The following PCDHA11 variants were observed in gnomAD, a reference collection of about 807,000 sequenced individuals.
PCDHA11 encodes protocadherin alpha 11.
PCDHA11 carries 61 observed loss-of-function variants against 70.3 expected under a neutral mutation model. The ratio of observed to expected loss-of-function variants is 0.87; its 90% CI spans 0.71 to 1.07. The LOEUF (loss-of-function observed/expected upper bound fraction) is 1.07. Ranked by LOEUF, PCDHA11 falls within the 50% of genes least tolerant of loss-of-function variation. The probability of loss-of-function intolerance (pLI) is 0.00; values close to 1 mark genes in which losing one functional copy is unlikely to be tolerated. For synonymous variants in PCDHA11, 633 were observed against 555.1 expected (o/e 1.14, Z -1.97); for missense variants, 1,324 against 1,237.5 (o/e 1.07, Z -1.05).
intron 1 of PCDHA11, among the ~76,000 whole-genome samples, chr5:140,976,550 C>CATAA (rs782672542): frequency 1.5e-4 from 23 of 152,064 alleles, no homozygotes; most frequent in African/African-American, 4.6e-4. Flanking sequence ...GACCCTATCT[C>CATAA]ATAAATAAAT....
chr5:140,916,475 C>T (rs2077583115), intron 1 of PCDHA11, among the ~76,000 whole-genome samples: 1 of 152,206 alleles, frequency 6.6e-6, no homozygotes, highest in South Asian at 2.1e-4. Flanking sequence ...TTATTTGGTG[C>T]CCAAGGGCTC....
At chr5:140,988,007 A>G (rs2097277966) in intron 3 of PCDHA11, among the ~76,000 whole-genome samples, 1 of 152,230 alleles carries the variant, frequency 6.6e-6, no homozygotes, top group Non-Finnish European at 1.5e-5. Context: ...TTCCCCAGAA[A>G]GAAAGCATGA....
intron 1 of PCDHA11, chr5:140,884,825 T>C (rs543714024): frequency 1.0e-6 from 1 of 967,424 alleles, no homozygotes; most frequent in Non-Finnish European, 1.5e-6. Flanking sequence ...CATTATGTGT[T>C]GGATTATCCT....
At chr5:140,983,882 A>G (rs1203287819) in intron 3 of PCDHA11, among the ~76,000 whole-genome samples, 2 of 152,224 alleles carry the variant, frequency 1.3e-5, no homozygotes, top group East Asian at 3.8e-4. Flanking sequence ...TTTACTGGCA[A>G]CTTTAAGGGC....
At chr5:140,909,983 C>T (rs2074810620) in intron 1 of PCDHA11, among the ~76,000 whole-genome samples, 1 of 152,214 alleles carries the variant, frequency 6.6e-6, no homozygotes, top group Non-Finnish European at 1.5e-5. Context: ...GGGAGAAAGA[C>T]TAACAGCATA....
intron 1 of PCDHA11, among the ~76,000 whole-genome samples, chr5:140,959,768 A>G (rs1554224322): frequency 6.6e-6 from 1 of 152,240 alleles, no homozygotes; most frequent in African/African-American, 2.4e-5. Flanking sequence ...ATATTCAGTA[A>G]GAACAGTGTA....
intron 3 of PCDHA11, among the ~76,000 whole-genome samples, chr5:140,993,994 A>T (rs1393081374): frequency 6.6e-6 from 1 of 152,234 alleles, no homozygotes; most frequent in African/African-American, 2.4e-5. Context: ...CACTTAGGTC[A>T]GGCCAGGCTC....
At chr5:140,927,481 G>C in intron 1 of PCDHA11, 2 of 1,614,072 alleles carry the variant, frequency 1.2e-6, no homozygotes, top group Non-Finnish European at 1.7e-6. Context: ...CGAACAGCGC[G>C]CCACCCACCT....
intron 1 of PCDHA11, among the ~76,000 whole-genome samples, chr5:140,871,786 T>G (rs2053308227): frequency 6.6e-6 from 1 of 152,224 alleles, no homozygotes; most frequent in African/African-American, 2.4e-5. Flanking sequence ...GTCACTTGAG[T>G]AGAAATAATT....
rs1554164277 is a variant in PCDHA11 at position 140,870,447 on chromosome 5, C to T, written c.1344C>T (p.Asn448=). 15 of 1,614,216 alleles carry T rather than the reference C, an allele frequency of 9.3e-6. No individual in the cohort carries two copies. The highest frequency in any genetic ancestry group is 9.3e-6 in the Non-Finnish European group (11 of 1,180,044). ...TATCCGTGGAGGTGGCCGACGTGAA[C>T]GACAATGCGCCTGCGTTCGCACAGC... ...ARVSVEVADV[N]DNAPAFAQPE... is the part of the protein sequence containing the mutation. Residue 448 remains asparagine (N), a synonymous_variant, in exon 1 of 4, where the codon AAC becomes AAT. Transcript: ENST00000398640.
chr5:140,877,081 G>T (rs201590988), intron 1 of PCDHA11: 2 of 1,613,120 alleles, frequency 1.2e-6, no homozygotes, highest in Non-Finnish European at 1.7e-6. Flanking sequence ...CCAGGTGAGC[G>T]CGCGCGACGC....
intron 1 of PCDHA11, among the ~76,000 whole-genome samples, chr5:140,915,080 G>T (rs1279074888): frequency 6.6e-6 from 1 of 151,664 alleles, no homozygotes; most frequent in Non-Finnish European, 1.5e-5. Context: ...TGAGTAGCTG[G>T]GACTATGGGC....
Position 140,870,316 on chromosome 5 carries a change from T to C in PCDHA11, c.1213T>C (p.Ser405Pro), listed in dbSNP as rs1178506832. The change falls in exon 1 of 4, where the codon TCG becomes CCG. Residue 405 changes from serine (S) to proline (P), a missense_variant. Ser to Pro is a moderately conservative substitution (Grantham distance 74, BLOSUM62 -1). Transcript: ENST00000398640. The stretch of plus-strand genomic sequence containing the variant: ...GGTGTCCACCTTCAAGAATTACTAC[T>C]CGTTGGTGCTGGACAGCGCCCTGGA... ...KLVSTFKNYY[S>P]LVLDSALDRE... The C allele has an allele frequency of 1.2e-6, 2 of 1,614,126 alleles. No homozygotes were observed. The highest frequency in any genetic ancestry group is 3.3e-5 in the Admixed American group (2 of 60,026).
At chr5:140,889,273 T>C (rs1307102398) in intron 1 of PCDHA11, among the ~76,000 whole-genome samples, 3 of 152,054 alleles carry the variant, frequency 2.0e-5, no homozygotes, top group Admixed American at 6.5e-5. Flanking sequence ...GTATAATCTT[T>C]GAATTACTTC....
At chr5:140,923,397 G>A (rs1392831353) in intron 1 of PCDHA11, among the ~76,000 whole-genome samples, 2 of 152,128 alleles carry the variant, frequency 1.3e-5, no homozygotes, top group East Asian at 3.9e-4. Flanking sequence ...GCATGGTGGT[G>A]TGTGCCTATA....
chr5:140,988,516 G>A (rs1226381986), intron 3 of PCDHA11, among the ~76,000 whole-genome samples: 1 of 152,156 alleles, frequency 6.6e-6, no homozygotes, highest in African/African-American at 2.4e-5. Flanking sequence ...GCTTACTTAA[G>A]TCTCTGCTGG....
chr5:140,907,864 G>T (rs1033952784), intron 1 of PCDHA11, among the ~76,000 whole-genome samples: 1 of 152,202 alleles, frequency 6.6e-6, no homozygotes, highest in Non-Finnish European at 1.5e-5. Context: ...GAGGCCAGCC[G>T]TTGGTGAGCA....
intron 3 of PCDHA11, among the ~76,000 whole-genome samples, chr5:140,990,073 GA>G (rs1319076601): frequency 2.6e-5 from 4 of 152,060 alleles, no homozygotes; most frequent in Non-Finnish European, 5.9e-5. Context: ...AAATAAGGGG[GA>G]CAAAGGATGC....
intron 1 of PCDHA11, chr5:140,875,321 TC>T: frequency 1.4e-6 from 2 of 1,427,980 alleles, no homozygotes; most frequent in Non-Finnish European, 1.8e-6. Context: ...TTCCAATCAT[TC>T]ACGGAATAGG....
Sources: allele counts gnomAD v4.1 joint callset (sites outside exome capture counted in the v4.1 genomes callset), GRCh38; gene constraint gnomAD v4.1.1; transcripts MANE v1.5; gene names NCBI Gene and HGNC (gene_info 2026-07-23, HGNC 2026-07-21).